UTP14A: variants seen among roughly 807,000 people sequenced by gnomAD.
The protein encoded by UTP14A is U3 small nucleolar RNA-associated protein 14 homolog A.
A neutral mutation model predicts 57.2 loss-of-function variants in UTP14A; 5 were observed. The ratio of observed to expected loss-of-function variants is 0.09; its 90% CI spans 0.05 to 0.18. The LOEUF is 0.18. UTP14A is among the 10% of genes least tolerant of loss of function. The pLI, the probability that UTP14A is intolerant of heterozygous loss-of-function variation, is 1.00. For synonymous variants in UTP14A, 169 were observed against 210.9 expected, an observed-to-expected ratio of 0.80 and a Z score of 1.72; for missense variants, 430 against 562.1, an observed-to-expected ratio of 0.76 and a Z score of 2.38.
chrX:129,924,355 C>T (rs1930022542), intron 11 of UTP14A, among the ~76,000 whole-genome samples: 2 of 101,922 alleles, frequency 2.0e-5, no homozygotes, highest in Non-Finnish European at 3.9e-5. Flanking sequence ...GGCACAATCT[C>T]GGCTCACTGC....
At chrX:129,910,474 C>A (rs1244809583) in intron 4 of UTP14A, among the ~76,000 whole-genome samples, 1 of 111,127 alleles carries the variant, frequency 9.0e-6, no homozygotes, top group Non-Finnish European at 1.9e-5. Context: ...TGCTTCAGCC[C>A]AGCCATTTGA....
chrX:129,923,261 G>A (rs1163950771), intron 11 of UTP14A, among the ~76,000 whole-genome samples: 1 of 112,127 alleles, frequency 8.9e-6, no homozygotes, highest in Non-Finnish European at 1.9e-5. Context: ...AGACAGTTTA[G>A]AAGCATGTCA....
intron 14 of UTP14A, among the ~76,000 whole-genome samples, chrX:129,926,795 G>T (rs1468329673): frequency 8.9e-6 from 1 of 111,884 alleles, no homozygotes; most frequent in Non-Finnish European, 1.9e-5. Flanking sequence ...CTGGGAGTAT[G>T]AGAATGTGTA....
intron 4 of UTP14A, among the ~76,000 whole-genome samples, chrX:129,909,357 C>T (rs1435650128): frequency 9.1e-6 from 1 of 110,325 alleles, no homozygotes; most frequent in African/African-American, 3.3e-5. Context: ...CTACAGGTGC[C>T]CGCCACCGCG....
chrX:129,920,302 C>A (rs1351565425), intron 8 of UTP14A, among the ~76,000 whole-genome samples, 155 bp from the exon 9 acceptor site: 1 of 112,127 alleles, frequency 8.9e-6, no homozygotes, highest in Non-Finnish European at 1.9e-5. Flanking sequence ...CTTGCCAGTC[C>A]TGTCAGGTCC....
chrX:129,929,631 G>A lies in UTP14A; in HGVS notation c.*23G>A. ...TGAGTTGCTGGAGGAGTGACAGCCA[G>A]GAGCCCTGACTTCACTTCCTTTGGT... On this transcript the variant is annotated 3_prime_UTR_variant, in exon 15 of 15. Transcript: ENST00000394422. The A allele has an allele frequency of 4.2e-6, 5 of 1,200,552 alleles. No homozygotes were observed. The highest frequency in any genetic ancestry group is 5.6e-6 in the Non-Finnish European group (5 of 888,300).
intron 12 of UTP14A, 51 bp downstream of exon 12, chrX:129,925,246 G>A (rs1282651328): frequency 7.7e-6 from 9 of 1,168,537 alleles, no homozygotes; most frequent in Non-Finnish European, 1.0e-5. Flanking sequence ...TCGTTCTTGC[G>A]CAAGGAGTAA....
chrX:129,923,583 C>T (rs1929989906), intron 11 of UTP14A, among the ~76,000 whole-genome samples: 1 of 111,756 alleles, frequency 8.9e-6, no homozygotes, highest in African/African-American at 3.3e-5. Context: ...CCAGCCCCTC[C>T]AGACTCTTGA....
intron 6 of UTP14A, among the ~76,000 whole-genome samples, chrX:129,916,977 T>C (rs913699967): frequency 9.0e-6 from 1 of 111,699 alleles, no homozygotes; most frequent in Non-Finnish European, 1.9e-5. Context: ...ATTACCCCTA[T>C]AGAATAACGT....
At chrX:129,919,581 A>T in intron 8 of UTP14A, 92 bp downstream of exon 8, 2 of 973,210 alleles carry the variant, frequency 2.1e-6, no homozygotes, top group Non-Finnish European at 2.8e-6. Flanking sequence ...TTGATGCAGC[A>T]ACTAGAGTCA....
chrX:129,907,409 A>G lies in UTP14A; in HGVS notation c.69A>G (p.Pro23=), dbSNP rs923295157. The change falls in exon 2 of 15, where the codon CCA becomes CCG. Residue 23 remains proline (P), a synonymous_variant. Transcript: ENST00000394422. ...AACAGGAAGAACTAGCGGATTTGCCAAAAGACTACCTCTTGAGTGAGAGTG... is the reference window on the plus strand; with the variant it reads ...AACAGGAAGAACTAGCGGATTTGCCGAAAGACTACCTCTTGAGTGAGAGTG... ...LSQQEELADL[P]KDYLLSESED... 12 of 1,210,140 alleles carry G rather than the reference A, an allele frequency of 9.9e-6. No individual in the cohort carries two copies. The highest frequency in any genetic ancestry group is 4.6e-4 in the Middle Eastern group (2 of 4,349).
At chrX:129,924,309 C>T (rs1218535404) in intron 11 of UTP14A, among the ~76,000 whole-genome samples, 154 of 79,314 alleles carry the variant, frequency 1.9e-3, no homozygotes, top group Non-Finnish European at 3.2e-3. Context: ...TTTTTTGAGA[C>T]GGAGTCTCGC....
Position 129,921,559 on chromosome X carries a change from T to C in UTP14A, c.1320T>C (p.Ala440=), listed in dbSNP as rs371986914. 32 of 1,208,026 alleles carry C rather than the reference T, an allele frequency of 2.6e-5. No individual in the cohort carries two copies. In the African/African-American group the frequency reaches 5.5e-4, roughly 21 times the overall value. The part of the protein sequence containing the change: ...LRKRSELSQD[A]EPAGSQETKD... The stretch of plus-strand genomic sequence containing the variant: ...AAAGATCTGAGCTCAGCCAAGATGC[T>C]GAGCCAGCAGGCAGTCAAGAAACAA... Residue 440 remains alanine (A), a synonymous_variant, in exon 11 of 15, where the codon GCT becomes GCC. Coordinates refer to ENST00000394422, the MANE Select transcript of UTP14A (RefSeq NM_006649.4).
intron 4 of UTP14A, among the ~76,000 whole-genome samples, chrX:129,909,668 A>G (rs1231719410): frequency 9.0e-6 from 1 of 111,326 alleles, no homozygotes; most frequent in Non-Finnish European, 1.9e-5. Flanking sequence ...GAAAGAACCA[A>G]TTTTCACCCT....
intron 14 of UTP14A, among the ~76,000 whole-genome samples, chrX:129,928,211 CTAAAAAAAAAAA>C (rs1445181644): frequency 1.5e-4 from 15 of 101,387 alleles, no homozygotes; most frequent in Non-Finnish European, 3.0e-4. Context: ...CCCATCTCTA[CTAAAAAAAAAAA>C]TACAAAAAAA....
intron 5 of UTP14A, 122 bp downstream of exon 5, chrX:129,911,272 T>C: frequency 1.1e-6 from 1 of 928,737 alleles, no homozygotes; most frequent in South Asian, 2.7e-5. Context: ...ATTTCCCCAC[T>C]ATGGATAAGA....
chrX:129,919,955 C>T (rs1323405241), intron 8 of UTP14A, among the ~76,000 whole-genome samples: 2 of 111,286 alleles, frequency 1.8e-5, no homozygotes, highest in Non-Finnish European at 3.8e-5. Flanking sequence ...TTGGGAGGCT[C>T]AGGCAGGTGG....
At chrX:129,906,299 T>C in intron 1 of UTP14A, 63 bp downstream of exon 1, 1 of 1,073,940 alleles carries the variant, frequency 9.3e-7, no homozygotes, top group Non-Finnish European at 1.3e-6. Flanking sequence ...CCCCAGCTTT[T>C]GGGAAATGGG....
intron 14 of UTP14A, 100 bp from the exon 15 acceptor site, chrX:129,929,236 C>T (rs1003990220): frequency 3.2e-5 from 33 of 1,026,684 alleles, no homozygotes; most frequent in African/African-American, 3.8e-5. Context: ...CATGTGGAAC[C>T]GTGGCCTGTA....
Sources: allele counts gnomAD v4.1 joint callset (sites outside exome capture counted in the v4.1 genomes callset), GRCh38; gene constraint gnomAD v4.1.1; transcripts MANE v1.5; gene names NCBI Gene and HGNC (gene_info 2026-07-23, HGNC 2026-07-21).